Variants in PDZRN4 observed in about 807,000 individuals in gnomAD.
PDZRN4 encodes PDZ domain-containing RING finger protein 4.
In PDZRN4, 70 loss-of-function variants were observed where a neutral mutation model predicts 99.0. The ratio of observed to expected loss-of-function variants is 0.71; its 90% confidence interval spans 0.58 to 0.86. The LOEUF (loss-of-function observed/expected upper bound fraction) is 0.86. Among genes scored for constraint, PDZRN4 ranks in the 40% least tolerant of loss-of-function variants. PDZRN4 has a pLI of 0.00. For synonymous variants in PDZRN4, 551 were observed against 501.6 expected (o/e 1.10, Z -1.32); for missense variants, 1,474 against 1,331.2 (o/e 1.11, Z -1.67).
At chr12:41,388,805 T>C (rs1209070620) in intron 3 of PDZRN4, among the ~76,000 whole-genome samples, 2 of 152,228 alleles carry the variant, frequency 1.3e-5, no homozygotes, top group Non-Finnish European at 2.9e-5. Flanking sequence ...ACTGAGTTTA[T>C]GTATCTTTGG....
chr12:41,552,781 C>T (rs772918284), intron 6 of PDZRN4, 27 bp downstream of exon 6: 20 of 1,536,964 alleles, frequency 1.3e-5, no homozygotes, highest in Admixed American at 1.7e-5. Flanking sequence ...AGGGGAAATT[C>T]GAGGAGGGAG....
At chr12:41,361,484 A>G (rs1490251373) in intron 3 of PDZRN4, among the ~76,000 whole-genome samples, 1 of 152,066 alleles carries the variant, frequency 6.6e-6, no homozygotes, top group Non-Finnish European at 1.5e-5. Flanking sequence ...GCTTTCTGGA[A>G]CAAATGGATG....
chr12:41,256,513 C>T (rs1201588132), intron 3 of PDZRN4, among the ~76,000 whole-genome samples: 1 of 152,182 alleles, frequency 6.6e-6, no homozygotes, highest in Admixed American at 6.5e-5. Context: ...CCCCTATACA[C>T]AAGCCAACAT....
intron 3 of PDZRN4, among the ~76,000 whole-genome samples, chr12:41,267,626 C>T (rs936205965): frequency 3.3e-5 from 5 of 149,594 alleles, no homozygotes; most frequent in South Asian, 2.1e-4. Flanking sequence ...GTCAGGAGTT[C>T]GAGACCAGCC....
At chr12:41,200,877 G>A (rs1211944899) in intron 3 of PDZRN4, among the ~76,000 whole-genome samples, 3 of 151,926 alleles carry the variant, frequency 2.0e-5, no homozygotes, top group South Asian at 2.1e-4. Context: ...AACCATATAC[G>A]TTTGTTCCAT....
intron 5 of PDZRN4, among the ~76,000 whole-genome samples, chr12:41,520,666 C>A (rs1338842257): frequency 7.4e-6 from 1 of 135,740 alleles, no homozygotes; most frequent in Admixed American, 7.3e-5. Context: ...ACACACACAG[C>A]CTCTAACTCA....
chr12:41,432,491 T>C (rs988378715), intron 3 of PDZRN4, among the ~76,000 whole-genome samples: 4 of 152,204 alleles, frequency 2.6e-5, no homozygotes, highest in Non-Finnish European at 5.9e-5. Flanking sequence ...CATGCTGTCA[T>C]CCCCCAGTTA....
intron 3 of PDZRN4, among the ~76,000 whole-genome samples, chr12:41,208,659 G>A (rs1022808955): frequency 1.3e-5 from 2 of 151,492 alleles, no homozygotes; most frequent in African/African-American, 4.8e-5. Flanking sequence ...TATTTTTTTT[G>A]TTTAATAAAA....
At chr12:41,407,527 C>T (rs138409221) in intron 3 of PDZRN4, among the ~76,000 whole-genome samples, 2,678 of 152,224 alleles carry the variant, frequency 0.018, 40 homozygotes, top group South Asian at 0.037. Flanking sequence ...TCCTCTGAGA[C>T]AGTTTGTGGA....
intron 3 of PDZRN4, among the ~76,000 whole-genome samples, chr12:41,457,488 T>C (rs1366877876): frequency 6.6e-6 from 1 of 152,210 alleles, no homozygotes; most frequent in Non-Finnish European, 1.5e-5. Context: ...AATTTAAATT[T>C]TTTTGAAGCT....
chr12:41,561,387 G>A (rs949752191), intron 7 of PDZRN4, among the ~76,000 whole-genome samples: 1 of 151,532 alleles, frequency 6.6e-6, no homozygotes, highest in African/African-American at 2.4e-5. Context: ...CTATGTACCA[G>A]GCACTATTTA....
At chr12:41,560,693 A>G (rs982812448) in intron 7 of PDZRN4, among the ~76,000 whole-genome samples, 4 of 152,182 alleles carry the variant, frequency 2.6e-5, no homozygotes, top group African/African-American at 9.6e-5. Flanking sequence ...AGCAGGCTGC[A>G]TTCCCACAAA....
At chr12:41,428,501 C>G (rs17129348) in intron 3 of PDZRN4, among the ~76,000 whole-genome samples, 23 of 152,188 alleles carry the variant, frequency 1.5e-4, no homozygotes, top group African/African-American at 5.5e-4. Context: ...ATAGAACTGT[C>G]CACACTCTAA....
intron 3 of PDZRN4, among the ~76,000 whole-genome samples, chr12:41,242,137 G>A (rs1051757227): frequency 3.3e-5 from 5 of 152,116 alleles, no homozygotes; most frequent in Admixed American, 1.3e-4. Flanking sequence ...CCAGGTATGT[G>A]TTTAACTCTG....
At position 41,339,469 on chromosome 12, in the gene PDZRN4, A is replaced by G. The variant is rs568679972; in HGVS notation, c.843+145281A>G. Among the ~76,000 whole-genome samples the G allele has an allele frequency of 9.2e-5, 14 of 152,238 alleles. No individual in the cohort carries two copies. In the South Asian group the frequency reaches 2.9e-3, roughly 32 times the overall value. On this transcript the variant is annotated intron_variant, in intron 3 of 9. Coordinates refer to ENST00000402685, the MANE Select transcript of PDZRN4 (RefSeq NM_001164595.2). ...TCTAAGTCCTGAAACTAATGAAACG[A>G]CTACAAGAAAACATTGGAGAATCTC...
chr12:41,317,612 C>T (rs980747191), intron 3 of PDZRN4, among the ~76,000 whole-genome samples: 1 of 151,802 alleles, frequency 6.6e-6, no homozygotes, highest in Admixed American at 6.6e-5. Flanking sequence ...AAGAAAGAAA[C>T]CCTGTGGAAA....
chr12:41,259,813 A>ATTT (rs1566402466), intron 3 of PDZRN4, among the ~76,000 whole-genome samples: 1 of 152,156 alleles, frequency 6.6e-6, no homozygotes, highest in African/African-American at 2.4e-5. Flanking sequence ...TCTCTTTTAG[A>ATTT]TATCTTCATT....
intron 3 of PDZRN4, among the ~76,000 whole-genome samples, chr12:41,351,059 T>C (rs191673458): frequency 3.9e-4 from 60 of 152,272 alleles, no homozygotes; most frequent in Admixed American, 3.3e-3. Context: ...TTTTGGGTTA[T>C]GGACACTATT....
At chr12:41,362,042 C>T (rs1951966916) in intron 3 of PDZRN4, among the ~76,000 whole-genome samples, 1 of 151,984 alleles carries the variant, frequency 6.6e-6, no homozygotes, top group South Asian at 2.1e-4. Flanking sequence ...ATAATCCTCT[C>T]ATTGAGAGGG....
Sources: gnomAD v4.1 joint callset for allele counts (sites outside exome capture counted in the v4.1 genomes callset) on GRCh38, gnomAD v4.1.1 for gene constraint, MANE v1.5 for transcripts, NCBI Gene and HGNC (gene_info 2026-07-23, HGNC 2026-07-21) for gene names.